Variants in CNST observed in about 807,000 individuals in gnomAD.
CNST encodes the protein consortin.
CNST carries 39 observed loss-of-function variants against 72.4 expected under a neutral mutation model. The observed-to-expected ratio is 0.54, with a 90% CI of 0.42 to 0.70. The LOEUF (loss-of-function observed/expected upper bound fraction) is 0.70. CNST is among the 30% of genes least tolerant of loss of function. The pLI is 0.00. For missense variants in CNST, 871 were observed against 868.5 expected (o/e 1.00, Z -0.04); for synonymous variants, 332 against 320.1 (o/e 1.04, Z -0.40).
chr1:246,643,118 C>T (rs571249614), intron 8 of CNST, among the ~76,000 whole-genome samples: 1 of 151,954 alleles, frequency 6.6e-6, no homozygotes, highest in South Asian at 2.1e-4. Flanking sequence ...TCTGGAAGTC[C>T]TGAGCTCAAG....
intron 2 of CNST, among the ~76,000 whole-genome samples, chr1:246,610,397 A>G (rs1240046024): frequency 6.6e-6 from 1 of 151,918 alleles, no homozygotes; most frequent in Non-Finnish European, 1.5e-5. Flanking sequence ...TTCTTCATCT[A>G]TGGTTTCTTT....
intron 2 of CNST, among the ~76,000 whole-genome samples, chr1:246,620,965 G>A (rs115770759): frequency 0.016 from 2,384 of 152,358 alleles, 24 homozygotes; most frequent in Middle Eastern, 0.037. Flanking sequence ...TTCTGAGGCA[G>A]TCTAGCTAAA....
chr1:246,611,696 AATTACC>A (rs1259450124), intron 2 of CNST, among the ~76,000 whole-genome samples: 3 of 152,190 alleles, frequency 2.0e-5, no homozygotes, highest in Non-Finnish European at 2.9e-5. Flanking sequence ...TTACACATAG[AATTACC>A]ATTTAATCCA....
intron 6 of CNST, among the ~76,000 whole-genome samples, chr1:246,640,421 G>T (rs1353401046): frequency 1.3e-5 from 2 of 152,106 alleles, no homozygotes; most frequent in African/African-American, 4.8e-5. Flanking sequence ...GTAATTTTCA[G>T]TTGCTTGAAT....
chr1:246,637,341 G>A (rs1487343030), intron 6 of CNST, among the ~76,000 whole-genome samples: 2 of 152,216 alleles, frequency 1.3e-5, no homozygotes, highest in African/African-American at 2.4e-5. Flanking sequence ...GTCTGTGCCT[G>A]CAAGACAGTT....
At chr1:246,648,243 C>T (rs1051096226) in intron 9 of CNST, 7 of 1,335,768 alleles carry the variant, frequency 5.2e-6, no homozygotes, top group Non-Finnish European at 6.7e-6. Context: ...GTTCATACTA[C>T]AAGATGTTCT....
chr1:246,592,543 T>A (rs759805944), intron 2 of CNST, among the ~76,000 whole-genome samples: 17 of 152,212 alleles, frequency 1.1e-4, no homozygotes, highest in Non-Finnish European at 2.1e-4. Flanking sequence ...TGTTTTCACA[T>A]TAGGTACTTT....
intron 1 of CNST, among the ~76,000 whole-genome samples, chr1:246,583,004 C>T (rs758277257): frequency 8.5e-5 from 13 of 152,174 alleles, no homozygotes; most frequent in African/African-American, 4.8e-5. Flanking sequence ...CGCCCGTTAG[C>T]GTGATGAGCA....
At chr1:246,597,911 T>C (rs1373256632) in intron 2 of CNST, among the ~76,000 whole-genome samples, 1 of 152,204 alleles carries the variant, frequency 6.6e-6, no homozygotes, top group Non-Finnish European at 1.5e-5. Context: ...CTTTGTAAAG[T>C]ACCCAGCATA....
intron 8 of CNST, among the ~76,000 whole-genome samples, chr1:246,644,686 C>T (rs970567672): frequency 6.6e-6 from 1 of 152,214 alleles, no homozygotes; most frequent in Non-Finnish European, 1.5e-5. Flanking sequence ...GTGGAAGCAA[C>T]ACACCCCAGT....
At chr1:246,629,919 A>G (rs181637720) in intron 3 of CNST, among the ~76,000 whole-genome samples, 184 of 152,270 alleles carry the variant, frequency 1.2e-3, no homozygotes, top group Non-Finnish European at 1.9e-4. Context: ...TTTAGTAGAG[A>G]CAGTATTTCG....
chr1:246,586,111 A>ATATGTGTGTGTGTGTG (rs777928408), intron 1 of CNST, among the ~76,000 whole-genome samples: 17 of 102,690 alleles, frequency 1.7e-4, no homozygotes, highest in African/African-American at 6.4e-4. Flanking sequence ...ATATATATAT[A>ATATGTGTGTGTGTGTG]TGTGTGTGTG....
At chr1:246,642,133 G>GTT (rs74163469) in intron 8 of CNST, 96 bp downstream of exon 8, 1,598 of 186,560 alleles carry the variant, frequency 8.6e-3, no homozygotes, top group Middle Eastern at 0.015. Context: ...AAAGGATCTG[G>GTT]TTTTTTTTTT....
At chr1:246,663,213 G>A (rs114767425) in intron 10 of CNST, among the ~76,000 whole-genome samples, 3,145 of 151,556 alleles carry the variant, frequency 0.021, 118 homozygotes, top group African/African-American at 0.072. Flanking sequence ...AAATTAGCAG[G>A]GCATGGTGGT....
At chr1:246,653,303 C>G (rs993055805) in intron 9 of CNST, among the ~76,000 whole-genome samples, 12 of 152,196 alleles carry the variant, frequency 7.9e-5, no homozygotes, top group African/African-American at 2.9e-4. Context: ...AGGGAAGTTA[C>G]TTTACGACTA....
chr1:246,646,211 C>T (rs868510541), intron 8 of CNST, among the ~76,000 whole-genome samples: 3 of 140,240 alleles, frequency 2.1e-5, no homozygotes, highest in South Asian at 2.3e-4. Context: ...ACCCGGGAGG[C>T]GGAGCTTGCA....
chr1:246,584,600 A>T (rs1661015577), intron 1 of CNST, among the ~76,000 whole-genome samples: 2 of 152,196 alleles, frequency 1.3e-5, no homozygotes, highest in Admixed American at 1.3e-4. Context: ...GATGATCTGC[A>T]TGATGAGATT....
intron 2 of CNST, among the ~76,000 whole-genome samples, chr1:246,612,140 T>C (rs1303536985): frequency 1.3e-5 from 2 of 152,232 alleles, no homozygotes; most frequent in African/African-American, 4.8e-5. Context: ...TGAGTTTCTC[T>C]TTGGGAATGA....
chr1:246,665,444 T>G lies in CNST; in HGVS notation c.1973-256T>G, dbSNP rs145648438. On this transcript the variant is annotated intron_variant, in intron 10 of 10. Coordinates refer to ENST00000366513, the MANE Select transcript of CNST (RefSeq NM_152609.3). ...ACGTGAGCTGTTTTTCTTCTTCTCA[T>G]GGAGTGATTCTGTCCATTGTATAAA... Among the ~76,000 whole-genome samples the G allele has an allele frequency of 1.5e-3, 236 of 152,390 alleles. No individual in the cohort carries two copies. The highest frequency in any genetic ancestry group is 2.7e-3 in the Non-Finnish European group (187 of 68,038).
Sources: gnomAD v4.1 joint callset for allele counts (sites outside exome capture counted in the v4.1 genomes callset) on GRCh38, gnomAD v4.1.1 for gene constraint, MANE v1.5 for transcripts, NCBI Gene and HGNC (gene_info 2026-07-23, HGNC 2026-07-21) for gene names.